Variants in FSTL4 observed in about 807,000 individuals in gnomAD.
The protein encoded by FSTL4 is follistatin-related protein 4.
Under a neutral mutation model 78.2 loss-of-function variants are expected in FSTL4, and 28 were observed. The observed-to-expected ratio is 0.36, with a 90% CI of 0.27 to 0.49. FSTL4 has a LOEUF of 0.49. Among genes scored for constraint, FSTL4 ranks in the 20% least tolerant of loss-of-function variants. The pLI is 0.98. For missense variants in FSTL4, 922 were observed against 1,084.9 expected (o/e 0.85, Z 2.11); for synonymous variants, 422 against 440.5 (o/e 0.96, Z 0.53).
In FSTL4 at chr5:133,382,418, TG is replaced by T. The variant is rs533430425; in HGVS notation, c.409+18319del. On this transcript the variant is annotated intron_variant, in intron 4 of 15. Coordinates refer to ENST00000265342, the MANE Select transcript of FSTL4 (RefSeq NM_015082.2). ...ACGTGGGTAATAATTTCCACCTACTTGTGATGATTGTTAGTTCTCATCATTC... is the reference window on the plus strand; with the variant it reads ...ACGTGGGTAATAATTTCCACCTACTTTGATGATTGTTAGTTCTCATCATTC... Among the ~76,000 whole-genome samples the T allele has an allele frequency of 3.3e-4, 50 of 152,346 alleles. No homozygotes were observed. The South Asian group carries it at 9.7e-3, about 30-fold the overall frequency.
chr5:133,496,619 T>A (rs1235428705), intron 3 of FSTL4, among the ~76,000 whole-genome samples: 1 of 152,112 alleles, frequency 6.6e-6, no homozygotes, highest in Non-Finnish European at 1.5e-5. Flanking sequence ...CACAATACCC[T>A]CGCAGATGCC....
intron 2 of FSTL4, among the ~76,000 whole-genome samples, chr5:133,578,879 A>G (rs78436933): frequency 0.013 from 2,053 of 152,298 alleles, 40 homozygotes; most frequent in African/African-American, 0.047. Context: ...CAAGAGGGGA[A>G]TTTTCCAGTT....
the FSTL4 span, among the ~76,000 whole-genome samples, chr5:133,774,225 C>T: frequency 6.6e-6 from 1 of 152,128 alleles, no homozygotes; most frequent in Non-Finnish European, 1.5e-5. Flanking sequence ...GAAGATCAAG[C>T]ATAAAGCCTA....
At chr5:133,705,560 AC>A in the FSTL4 span, among the ~76,000 whole-genome samples, 2 of 151,728 alleles carry the variant, frequency 1.3e-5, no homozygotes, top group Non-Finnish European at 2.9e-5. Context: ...TTCTCACAGG[AC>A]CCCTGACAAC....
the FSTL4 span, among the ~76,000 whole-genome samples, chr5:133,840,454 C>T: frequency 3.3e-5 from 5 of 152,176 alleles, no homozygotes; most frequent in Non-Finnish European, 4.4e-5. Flanking sequence ...ATAAACACTC[C>T]GATTTTCCAG....
At chr5:133,378,578 G>T (rs768644619) in intron 4 of FSTL4, among the ~76,000 whole-genome samples, 99 of 152,056 alleles carry the variant, frequency 6.5e-4, no homozygotes, top group Admixed American at 1.1e-3. Context: ...TGTATTATTG[G>T]GTTTGTAACA....
chr5:133,627,284 GA>G, the FSTL4 span, among the ~76,000 whole-genome samples: 1 of 151,672 alleles, frequency 6.6e-6, no homozygotes, highest in Non-Finnish European at 1.5e-5. Flanking sequence ...CCACGTGGCT[GA>G]GGAGCAAGGC....
At chr5:133,367,559 G>A (rs949479332) in intron 4 of FSTL4, among the ~76,000 whole-genome samples, 2 of 152,190 alleles carry the variant, frequency 1.3e-5, no homozygotes, top group Non-Finnish European at 2.9e-5. Context: ...GCCACAACAT[G>A]TGACAAATTT....
intron 4 of FSTL4, among the ~76,000 whole-genome samples, chr5:133,334,518 CT>C (rs1296878504): frequency 1.3e-5 from 2 of 152,082 alleles, no homozygotes; most frequent in Non-Finnish European, 2.9e-5. Context: ...AAGATTCTGT[CT>C]TTTGATCTGG....
At chr5:133,372,269 G>GTATCTATCTATCTATCTATC (rs70974084) in intron 4 of FSTL4, among the ~76,000 whole-genome samples, 24 of 142,926 alleles carry the variant, frequency 1.7e-4, no homozygotes, top group African/African-American at 6.2e-4. Context: ...ATGTATGTAT[G>GTATCTATCTATCTATCTATC]TATCTATCTA....
intron 3 of FSTL4, among the ~76,000 whole-genome samples, chr5:133,540,040 A>T (rs1759435593): frequency 6.6e-6 from 1 of 151,826 alleles, no homozygotes; most frequent in African/African-American, 2.4e-5. Context: ...AGTCTCATCC[A>T]ATCAGTTGAA....
the FSTL4 span, among the ~76,000 whole-genome samples, chr5:133,795,931 C>T: frequency 2.6e-5 from 4 of 152,184 alleles, no homozygotes; most frequent in African/African-American, 7.2e-5. Context: ...CTGGAGTCCA[C>T]GGGGTCTCCC....
At chr5:133,820,933 C>T in the FSTL4 span, among the ~76,000 whole-genome samples, 5 of 152,152 alleles carry the variant, frequency 3.3e-5, no homozygotes, top group African/African-American at 9.7e-5. Flanking sequence ...AAATAAGCTG[C>T]TATTTTCAGA....
chr5:133,830,305 T>G, the FSTL4 span, among the ~76,000 whole-genome samples: 1 of 152,190 alleles, frequency 6.6e-6, no homozygotes, highest in African/African-American at 2.4e-5. Context: ...GATGTGCCTG[T>G]GTCAGAAGAG....
Position 133,199,129 on chromosome 5 carries a change from C to T in FSTL4, c.2495G>A (p.Gly832Glu), listed in dbSNP as rs755270499. The T allele has an allele frequency of 6.4e-7, 1 of 1,568,128 alleles. No individual in the cohort carries two copies. The highest frequency in any genetic ancestry group is 1.3e-5 in the African/African-American group (1 of 74,144). ...ACCCACCCACACCACTGTGGTCCCC[C>T]CCTTTATACCTGACACCTCACACCG... Reference protein sequence around the residue: ...TLRCEVSGIKGGTTVVWVGEV With the variant: ...TLRCEVSGIKEGTTVVWVGEV Residue 832 changes from glycine to glutamate, a missense_variant, in exon 16 of 16, where the codon GGG (glycine) becomes GAG (glutamate). Gly to Glu is a moderately conservative substitution (Grantham distance 98, BLOSUM62 -2). Transcript: ENST00000265342. The surrounding 1 kb of genome is among the most constrained non-coding windows in gnomAD (Gnocchi z 4.4).
At chr5:133,222,588 A>G (rs1751175019) in intron 11 of FSTL4, among the ~76,000 whole-genome samples, 1 of 152,190 alleles carries the variant, frequency 6.6e-6, no homozygotes, top group Non-Finnish European at 1.5e-5. Context: ...AGCATAATAG[A>G]GCCCACATGG....
intron 8 of FSTL4, among the ~76,000 whole-genome samples, chr5:133,229,852 T>C (rs777547320): frequency 1.4e-5 from 2 of 147,462 alleles, no homozygotes; most frequent in South Asian, 4.3e-4. Flanking sequence ...GGAGATAGCC[T>C]CAGGCCCTAC....
the FSTL4 span, among the ~76,000 whole-genome samples, chr5:133,838,135 C>T: frequency 1.3e-5 from 2 of 152,108 alleles, no homozygotes; most frequent in African/African-American, 4.8e-5. Context: ...AGATCCACCC[C>T]ACTCAGCCTC....
chr5:133,491,512 G>A (rs549203453), intron 3 of FSTL4, among the ~76,000 whole-genome samples: 31 of 150,600 alleles, frequency 2.1e-4, no homozygotes, highest in Admixed American at 1.6e-3. Flanking sequence ...CCATTCTCCT[G>A]CTTCAGCCTC....
Sources: gnomAD v4.1 joint callset for allele counts (sites outside exome capture counted in the v4.1 genomes callset) on GRCh38, gnomAD v4.1.1 for gene constraint, Gnocchi (gnomAD v3.1) non-coding constraint, MANE v1.5 for transcripts, NCBI Gene and HGNC (gene_info 2026-07-23, HGNC 2026-07-21) for gene names.